DOCK8: variants seen among roughly 807,000 people sequenced by gnomAD.
DOCK8 encodes dedicator of cytokinesis protein 8.
A neutral mutation model predicts 245.6 loss-of-function variants in DOCK8; 141 were observed. That is an observed-to-expected ratio of 0.57 (90% confidence interval 0.50 to 0.66). DOCK8 has a LOEUF of 0.66. Among genes scored for constraint, DOCK8 ranks in the 30% least tolerant of loss-of-function variants. The probability of loss-of-function intolerance (pLI) is 0.00; values close to 1 mark genes in which losing one functional copy is unlikely to be tolerated. For missense variants in DOCK8, 2,965 were observed against 2,603.4 expected (o/e 1.14, Z -3.02); for synonymous variants, 1,168 against 970.2 (o/e 1.20, Z -3.79).
intron 42 of DOCK8, among the ~76,000 whole-genome samples, chr9:442,683 G>A (rs1587065924): frequency 1.3e-5 from 2 of 151,264 alleles, no homozygotes; most frequent in African/African-American, 4.9e-5. Context: ...CTCAGTCAAA[G>A]GTGCCTCCCC....
intron 1 of DOCK8, among the ~76,000 whole-genome samples, chr9:249,353 A>C (rs1167007062): frequency 6.6e-6 from 1 of 152,224 alleles, no homozygotes; most frequent in Non-Finnish European, 1.5e-5. Context: ...CTGTGACTCC[A>C]CAAAGATAAA....
intron 11 of DOCK8, 24 bp from the exon 12 acceptor site, chr9:336,558 G>C (rs1302354161): frequency 1.9e-6 from 3 of 1,613,978 alleles, no homozygotes; most frequent in Non-Finnish European, 1.7e-6. Flanking sequence ...GCATACTTTG[G>C]AGTGACAATT....
chr9:325,346 A>G (rs1040122967), intron 7 of DOCK8, among the ~76,000 whole-genome samples: 2 of 152,206 alleles, frequency 1.3e-5, no homozygotes, highest in Admixed American at 6.5e-5. Flanking sequence ...CTGAAAACAC[A>G]GTAGTTACAA....
intron 1 of DOCK8, among the ~76,000 whole-genome samples, chr9:217,106 G>A (rs1391707353): frequency 1.3e-5 from 2 of 152,154 alleles, no homozygotes; most frequent in Non-Finnish European, 2.9e-5. Flanking sequence ...ATACACATTG[G>A]AATTTAGAGA....
chr9:433,097 T>C (rs2131740144), intron 37 of DOCK8, among the ~76,000 whole-genome samples: 1 of 152,378 alleles, frequency 6.6e-6, no homozygotes, highest in Middle Eastern at 3.4e-3. Context: ...ATTCTCAGAA[T>C]CTTTTTCCTC....
At position 336,737 on chromosome 9, in the gene DOCK8, G is replaced by A. The variant is rs757748565; in HGVS notation, c.1422+19G>A. ...CAAGCAGGTATCTCTTCACATTACA[G>A]TGTGTCTGGATTTTTCCCCATACTG... On this transcript the variant is annotated intron_variant, in intron 12 of 47. Coordinates refer to ENST00000432829, the MANE Select transcript of DOCK8 (RefSeq NM_203447.4). 5 of 1,613,820 alleles carry A rather than the reference G, an allele frequency of 3.1e-6. No individual in the cohort carries two copies. Among genetic ancestry groups the A allele is most frequent in the Non-Finnish European group, 4.2e-6 (5 of 1,179,854 alleles).
intron 28 of DOCK8, among the ~76,000 whole-genome samples, chr9:413,401 G>C (rs1013708527): frequency 1.1e-4 from 16 of 150,976 alleles, no homozygotes; most frequent in Admixed American, 2.7e-4. Context: ...GAAAAAAATA[G>C]ATAACTGGAC....
At chr9:277,259 A>G (rs1451433354) in intron 2 of DOCK8, among the ~76,000 whole-genome samples, 1 of 144,188 alleles carries the variant, frequency 6.9e-6, no homozygotes, top group Non-Finnish European at 1.5e-5. Context: ...TCTCTACAAC[A>G]AAGTTAAAAA....
intron 1 of DOCK8, among the ~76,000 whole-genome samples, chr9:255,051 C>T (rs1222217028): frequency 6.6e-6 from 1 of 152,032 alleles, no homozygotes. Context: ...TCAAAGTTTG[C>T]TCAAGTTAAC....
At position 400,310 on chromosome 9, in the gene DOCK8, T is replaced by C. The variant is rs1242508631; in HGVS notation, c.3234+1051T>C. Among the ~76,000 whole-genome samples, 6 of 13,792 alleles carry C rather than the reference T, an allele frequency of 4.4e-4. 1 individual carries two copies. Among genetic ancestry groups the C allele is most frequent in the Admixed American group, 8.0e-4 (1 of 1,252 alleles). The allele number at this position is 13,792 out of a possible 152,430, so 9.0% of individuals were successfully genotyped here. ...TTCACCACCACCACCATCTTCACCG[T>C]CACCACCACCTCCACCACCACCACC... is the stretch of plus-strand genomic sequence containing the variant. On this transcript the variant is annotated intron_variant, in intron 26 of 47. Coordinates refer to ENST00000432829, the MANE Select transcript of DOCK8 (RefSeq NM_203447.4).
chr9:261,163 A>G (rs2047908941), intron 1 of DOCK8, among the ~76,000 whole-genome samples: 1 of 151,950 alleles, frequency 6.6e-6, no homozygotes, highest in African/African-American at 2.4e-5. Flanking sequence ...CAGGAGTAGG[A>G]GGGAGACATT....
intron 1 of DOCK8, among the ~76,000 whole-genome samples, chr9:262,053 TG>T (rs964291579): frequency 7.2e-6 from 1 of 138,314 alleles, no homozygotes; most frequent in Non-Finnish European, 1.6e-5. Flanking sequence ...GATTTACCTA[TG>T]TTACAAACAT....
In DOCK8 at chr9:463,556, G is replaced by T; in HGVS notation, c.6108G>T (p.Thr2036=). 3.1e-6 allele frequency: 5 copies of T among 1,614,120 alleles called. No individual in the cohort carries two copies. Among genetic ancestry groups the T allele is most frequent in the South Asian group, 1.1e-5 (1 of 91,074 alleles). The change falls in exon 47 of 48, where the codon ACG becomes ACT. Residue 2036 remains threonine, a synonymous_variant. Transcript: ENST00000432829. ...TAGAGAAAAACAAGCGTCTCATCAC[G>T]GCAGACCAGAGGGAATATCAGCAGG... The part of the protein sequence containing the change: ...EAVEKNKRLI[T]ADQREYQQEL...
At chr9:270,278 C>CG (rs1472355229) in intron 1 of DOCK8, among the ~76,000 whole-genome samples, 5 of 152,224 alleles carry the variant, frequency 3.3e-5, no homozygotes, top group Non-Finnish European at 5.9e-5. Context: ...CATCATGTAA[C>CG]GGGCCACCAC....
intron 14 of DOCK8, among the ~76,000 whole-genome samples, chr9:344,199 G>A (rs933041622): frequency 6.6e-6 from 1 of 152,162 alleles, no homozygotes; most frequent in Admixed American, 6.5e-5. Context: ...TCTCCAGTTT[G>A]GTTGTGGCCC....
At chr9:352,246 G>C (rs2052206505) in intron 14 of DOCK8, among the ~76,000 whole-genome samples, 1 of 152,150 alleles carries the variant, frequency 6.6e-6, no homozygotes, top group Non-Finnish European at 1.5e-5. Flanking sequence ...GATTGTTACA[G>C]GAGCCATGGT....
At chr9:225,212 G>A (rs1314773967) in intron 1 of DOCK8, among the ~76,000 whole-genome samples, 3 of 152,176 alleles carry the variant, frequency 2.0e-5, no homozygotes, top group Admixed American at 2.0e-4. Context: ...GAGAGCATGG[G>A]GAACAGTGTT....
In DOCK8 at chr9:441,396, C is replaced by A. The variant is rs1226452399; in HGVS notation, c.5334C>A (p.Ala1778=). Residue 1778 remains alanine (A), a synonymous_variant, in exon 41 of 48, where the codon GCC becomes GCA. Transcript: ENST00000432829. The part of the protein sequence containing the change: ...LTLTHSKLQR[A]FDSIVNKDHK... ...TCACTCACAGCAAGCTGCAGAGAGC[C>A]TTCGACAGCATCGTTAACAAGGTAG... 3.7e-6 allele frequency: 6 copies of A among 1,614,078 alleles called. No homozygotes were observed. In the South Asian group the frequency reaches 4.4e-5, roughly 12 times the overall value.
At chr9:338,279 G>T (rs1449410258) in intron 12 of DOCK8, among the ~76,000 whole-genome samples, 1 of 152,186 alleles carries the variant, frequency 6.6e-6, no homozygotes, top group Admixed American at 6.5e-5. Flanking sequence ...AGTCTTCGTG[G>T]AGCATTTAAA....
Sources: allele counts gnomAD v4.1 joint callset (sites outside exome capture counted in the v4.1 genomes callset), GRCh38; gene constraint gnomAD v4.1.1; transcripts MANE v1.5; gene names NCBI Gene and HGNC (gene_info 2026-07-23, HGNC 2026-07-21).